The following ILDR1 variants were observed in gnomAD, a reference collection of about 807,000 sequenced individuals.
The protein encoded by ILDR1 is immunoglobulin-like domain-containing receptor 1.
In ILDR1, 56 loss-of-function variants were observed where a neutral mutation model predicts 62.4. That is an observed-to-expected ratio of 0.90 (90% CI 0.72 to 1.12). The LOEUF (loss-of-function observed/expected upper bound fraction) is 1.12. Among genes scored for constraint, ILDR1 ranks in the 50% most tolerant of loss-of-function variants. The probability of loss-of-function intolerance (pLI) is 0.00; values close to 1 mark genes in which losing one functional copy is unlikely to be tolerated. For synonymous variants in ILDR1, 284 were observed against 277.8 expected (o/e 1.02, Z -0.22); for missense variants, 736 against 710.6 (o/e 1.04, Z -0.41).
chr3:122,051,003 C>T, the ILDR1 span, among the ~76,000 whole-genome samples: 1 of 152,158 alleles, frequency 6.6e-6, no homozygotes, highest in African/African-American at 2.4e-5. Context: ...AAATCCATTG[C>T]TAATCTTATA....
chr3:121,995,734 C>T (rs2071426627), intron 5 of ILDR1, among the ~76,000 whole-genome samples: 1 of 152,174 alleles, frequency 6.6e-6, no homozygotes, highest in Non-Finnish European at 1.5e-5. Context: ...CTCTTCTGGC[C>T]ACCACCAACA....
chr3:121,989,580 T>C (rs190304288), intron 7 of ILDR1, among the ~76,000 whole-genome samples: 23 of 152,322 alleles, frequency 1.5e-4, no homozygotes, highest in South Asian at 4.1e-4. Flanking sequence ...AGATAATTCA[T>C]TGGAAGGAGT....
At chr3:122,053,557 T>C in the ILDR1 span, among the ~76,000 whole-genome samples, 1 of 152,184 alleles carries the variant, frequency 6.6e-6, no homozygotes, top group African/African-American at 2.4e-5. Flanking sequence ...ACCTTTTTTG[T>C]GTGTATGAGA....
At chr3:122,004,281 A>G (rs1357945140) in intron 3 of ILDR1, among the ~76,000 whole-genome samples, 1 of 152,226 alleles carries the variant, frequency 6.6e-6, no homozygotes, top group Non-Finnish European at 1.5e-5. Flanking sequence ...TATGGCAGCA[A>G]CTGTGGATTA....
chr3:121,990,758 C>T (rs1461174791), intron 7 of ILDR1, among the ~76,000 whole-genome samples: 1 of 152,182 alleles, frequency 6.6e-6, no homozygotes, highest in African/African-American at 2.4e-5. Context: ...CTATACTTCT[C>T]TCTAAGGAGG....
At chr3:122,061,543 G>T in the ILDR1 span, among the ~76,000 whole-genome samples, 1 of 151,936 alleles carries the variant, frequency 6.6e-6, no homozygotes, top group East Asian at 1.9e-4. Context: ...AGAAAAATGG[G>T]CAAAAGATAT....
intron 1 of ILDR1, among the ~76,000 whole-genome samples, chr3:122,008,094 T>G (rs935455202): frequency 6.6e-6 from 1 of 152,184 alleles, no homozygotes; most frequent in Non-Finnish European, 1.5e-5. Flanking sequence ...AATGATGGAA[T>G]GAATGACTAA....
chr3:122,047,670 C>T, the ILDR1 span, among the ~76,000 whole-genome samples: 5 of 152,150 alleles, frequency 3.3e-5, no homozygotes, highest in African/African-American at 9.7e-5. Flanking sequence ...GGGAGTGACC[C>T]GATTTTCCAG....
chr3:122,005,454 T>C (rs2071594363), intron 2 of ILDR1, 61 bp from the exon 3 acceptor site: 1 of 1,591,086 alleles, frequency 6.3e-7, no homozygotes. Flanking sequence ...AAAAAAAGGT[T>C]CCCTTCCTGC....
chr3:122,051,450 T>C, the ILDR1 span, among the ~76,000 whole-genome samples: 4 of 152,130 alleles, frequency 2.6e-5, no homozygotes, highest in African/African-American at 7.2e-5. Flanking sequence ...CAGTTAAAAT[T>C]GCATTCTTTG....
the ILDR1 span, among the ~76,000 whole-genome samples, chr3:122,054,974 C>T: frequency 2.0e-5 from 3 of 151,986 alleles, no homozygotes; most frequent in Admixed American, 6.6e-5. Flanking sequence ...AAACTCTCCA[C>T]ACTTTGGTTG....
intron 5 of ILDR1, among the ~76,000 whole-genome samples, chr3:121,998,234 C>T (rs1440376494): frequency 1.3e-5 from 2 of 152,234 alleles, no homozygotes; most frequent in African/African-American, 4.8e-5. Flanking sequence ...AGCTTCATCA[C>T]TCATCAGTGA....
the ILDR1 span, among the ~76,000 whole-genome samples, chr3:122,041,368 C>G: frequency 6.6e-6 from 1 of 152,192 alleles, no homozygotes; most frequent in Admixed American, 6.5e-5. Context: ...CACTGTCTCC[C>G]TGTCTTGCCC....
At chr3:122,032,106 C>G in the ILDR1 span, among the ~76,000 whole-genome samples, 1 of 152,224 alleles carries the variant, frequency 6.6e-6, no homozygotes, top group Admixed American at 6.5e-5. Flanking sequence ...TCTTGTAACT[C>G]TCTTGTAACC....
the ILDR1 span, among the ~76,000 whole-genome samples, chr3:122,054,602 C>T: frequency 1.3e-5 from 2 of 151,950 alleles, no homozygotes; most frequent in East Asian, 3.9e-4. Flanking sequence ...TTAGCTTTGC[C>T]TTTGGAATTT....
At chr3:122,055,230 T>G in the ILDR1 span, 1 of 371,922 alleles carries the variant, frequency 2.7e-6, no homozygotes, top group East Asian at 4.0e-5. Context: ...ATATATTCTT[T>G]AATACATATA....
chr3:122,060,161 G>A, the ILDR1 span, among the ~76,000 whole-genome samples: 3 of 152,150 alleles, frequency 2.0e-5, no homozygotes, highest in East Asian at 3.8e-4. Context: ...ACCAAAACAG[G>A]ATTACATCAC....
At chr3:122,054,778 A>G in the ILDR1 span, among the ~76,000 whole-genome samples, 1 of 152,166 alleles carries the variant, frequency 6.6e-6, no homozygotes, top group African/African-American at 2.4e-5. Context: ...TCTTAGGGAC[A>G]TCTATTAATT....
At chr3:122,012,045 C>G (rs937820804) in intron 1 of ILDR1, among the ~76,000 whole-genome samples, 1 of 152,216 alleles carries the variant, frequency 6.6e-6, no homozygotes, top group African/African-American at 2.4e-5. Flanking sequence ...AAAAAGCAGT[C>G]AGATTTTCCA....
Sources: gnomAD v4.1 joint callset for allele counts (sites outside exome capture counted in the v4.1 genomes callset) on GRCh38, gnomAD v4.1.1 for gene constraint, MANE v1.5 for transcripts, NCBI Gene and HGNC (gene_info 2026-07-23, HGNC 2026-07-21) for gene names.